DCC: variants seen among roughly 807,000 people sequenced by gnomAD.
DCC encodes DCC netrin 1 receptor.
Under a neutral mutation model 172.5 loss-of-function variants are expected in DCC, and 58 were observed. The ratio of observed to expected loss-of-function variants is 0.34; its 90% CI spans 0.27 to 0.42. The LOEUF (loss-of-function observed/expected upper bound fraction) is 0.42. Ranked by LOEUF, DCC falls within the 10% of genes least tolerant of loss-of-function variation. The probability of loss-of-function intolerance (pLI) is 1.00; values close to 1 mark genes in which losing one functional copy is unlikely to be tolerated. For synonymous variants in DCC, 709 were observed against 644.5 expected (o/e 1.10, Z -1.52); for missense variants, 1,740 against 1,791.0 (o/e 0.97, Z 0.51).
chr18:52,813,511 G>A (rs1421329756), intron 2 of DCC, among the ~76,000 whole-genome samples: 1 of 152,166 alleles, frequency 6.6e-6, no homozygotes, highest in Non-Finnish European at 1.5e-5. Context: ...TATGGATTAA[G>A]GATATACTTC....
At chr18:53,380,716 G>T (rs528075718) in intron 15 of DCC, among the ~76,000 whole-genome samples, 18 of 152,242 alleles carry the variant, frequency 1.2e-4, no homozygotes, top group Non-Finnish European at 2.4e-4. Flanking sequence ...AAAAACCATT[G>T]ACCTTACCTG....
chr18:52,437,256 C>T (rs1987825951), intron 1 of DCC, among the ~76,000 whole-genome samples: 1 of 152,102 alleles, frequency 6.6e-6, no homozygotes, highest in Non-Finnish European at 1.5e-5. Flanking sequence ...TGAGCAGAGG[C>T]ATGAAGAGAG....
At chr18:53,021,272 G>T (rs1281557205) in intron 5 of DCC, among the ~76,000 whole-genome samples, 2 of 152,184 alleles carry the variant, frequency 1.3e-5, no homozygotes, top group African/African-American at 2.4e-5. Context: ...TCTGAAATCT[G>T]TGTGGTTTTC....
intron 2 of DCC, among the ~76,000 whole-genome samples, chr18:52,877,928 T>C (rs975363699): frequency 6.6e-6 from 1 of 152,152 alleles, no homozygotes; most frequent in Non-Finnish European, 1.5e-5. Flanking sequence ...TTAATGATAA[T>C]GTAAAGAGTA....
chr18:52,466,524 T>C (rs1362382022), intron 1 of DCC, among the ~76,000 whole-genome samples: 1 of 152,152 alleles, frequency 6.6e-6, no homozygotes, highest in Non-Finnish European at 1.5e-5. Context: ...AGTTGAAGAA[T>C]CATTGGTTCT....
intron 5 of DCC, among the ~76,000 whole-genome samples, chr18:52,940,727 G>T (rs2040448623): frequency 6.6e-6 from 1 of 152,130 alleles, no homozygotes; most frequent in South Asian, 2.1e-4. Flanking sequence ...TACTCTTTCT[G>T]CTATCACTTA....
At chr18:52,667,361 T>A (rs2035474267) in intron 1 of DCC, among the ~76,000 whole-genome samples, 1 of 152,214 alleles carries the variant, frequency 6.6e-6, no homozygotes, top group Non-Finnish European at 1.5e-5. Context: ...ATTATTGATA[T>A]ATGTCTTATC....
Position 52,660,637 on chromosome 18 carries a change from C to A in DCC, c.92-91417C>A, listed in dbSNP as rs1003037923. On this transcript the variant is annotated intron_variant, in intron 1 of 28. Transcript: ENST00000442544. Reference sequence around the variant, plus strand: ...TCGCCTATAAGTCTTTCTTAACTTTCGAATTACAGATTTGTGTTTCTGTAG... The same window carrying A: ...TCGCCTATAAGTCTTTCTTAACTTTAGAATTACAGATTTGTGTTTCTGTAG... 1.1e-4 allele frequency among the ~76,000 whole-genome samples: 17 copies of A among 152,254 alleles called. No homozygotes were observed. In the South Asian group the frequency reaches 1.5e-3, roughly 13 times the overall value.
chr18:53,479,343 A>G (rs1019856732), intron 25 of DCC, among the ~76,000 whole-genome samples: 11 of 152,214 alleles, frequency 7.2e-5, no homozygotes, highest in Non-Finnish European at 1.0e-4. Context: ...TTCAAACTCT[A>G]TAGGCACACA....
chr18:52,997,442 G>T (rs1286644780), intron 5 of DCC, among the ~76,000 whole-genome samples: 1 of 152,098 alleles, frequency 6.6e-6, no homozygotes, highest in East Asian at 1.9e-4. Flanking sequence ...TAGATGAAGT[G>T]TAATAGACAC....
intron 2 of DCC, among the ~76,000 whole-genome samples, chr18:52,761,190 AAG>A (rs1469872704): frequency 1.3e-5 from 2 of 152,188 alleles, no homozygotes; most frequent in Non-Finnish European, 2.9e-5. Flanking sequence ...GTGGCAGGCA[AAG>A]AGAGAGCTTG....
intron 11 of DCC, among the ~76,000 whole-genome samples, chr18:53,215,247 T>C (rs906339937): frequency 2.0e-5 from 3 of 152,096 alleles, no homozygotes. Context: ...GGGAAAGTTA[T>C]CACAAGAGGG....
At chr18:53,387,778 C>T (rs1908268220) in intron 16 of DCC, among the ~76,000 whole-genome samples, 1 of 152,186 alleles carries the variant, frequency 6.6e-6, no homozygotes. Context: ...CGCTCATTGC[C>T]ATGGTGACTT....
At chr18:53,258,684 T>A (rs908406585) in intron 12 of DCC, among the ~76,000 whole-genome samples, 1 of 152,192 alleles carries the variant, frequency 6.6e-6, no homozygotes, top group Admixed American at 6.5e-5. Flanking sequence ...AGAATGTATA[T>A]TCTGTTGATT....
chr18:52,735,636 G>T (rs7240870), intron 1 of DCC, among the ~76,000 whole-genome samples: 22 of 151,736 alleles, frequency 1.4e-4, no homozygotes, highest in Admixed American at 2.6e-4. Flanking sequence ...AAGTCCAAAA[G>T]CTGATGAACT....
intron 14 of DCC, among the ~76,000 whole-genome samples, chr18:53,338,165 G>A (rs546739733): frequency 3.2e-4 from 48 of 152,212 alleles, no homozygotes; most frequent in African/African-American, 6.7e-4. Context: ...ATAATCTATC[G>A]TAGCTGCCTT....
chr18:52,705,453 G>T (rs536748830), intron 1 of DCC, among the ~76,000 whole-genome samples: 116 of 152,298 alleles, frequency 7.6e-4, no homozygotes, highest in Non-Finnish European at 1.2e-3. Context: ...AAAACCTCTG[G>T]CTATTAGATT....
intron 1 of DCC, among the ~76,000 whole-genome samples, chr18:52,668,527 T>C (rs2035496101): frequency 6.6e-6 from 1 of 152,200 alleles, no homozygotes; most frequent in Non-Finnish European, 1.5e-5. Context: ...TAGTCTATGC[T>C]ATGAATTTAG....
intron 7 of DCC, among the ~76,000 whole-genome samples, chr18:53,143,544 G>A (rs1383435112): frequency 6.6e-6 from 1 of 152,144 alleles, no homozygotes; most frequent in Non-Finnish European, 1.5e-5. Context: ...TCATCTTGAG[G>A]ATTTTTGTCT....
Sources: gnomAD v4.1 joint callset for allele counts (sites outside exome capture counted in the v4.1 genomes callset) on GRCh38, gnomAD v4.1.1 for gene constraint, MANE v1.5 for transcripts, NCBI Gene and HGNC (gene_info 2026-07-23, HGNC 2026-07-21) for gene names.